The following GALNT17 variants were observed in gnomAD, a reference collection of about 807,000 sequenced individuals.
GALNT17 encodes polypeptide N-acetylgalactosaminyltransferase 17.
In GALNT17, 29 loss-of-function variants were observed where a neutral mutation model predicts 63.7. The ratio of observed to expected loss-of-function variants is 0.46; its 90% CI spans 0.34 to 0.62. The LOEUF (loss-of-function observed/expected upper bound fraction) is 0.62. Among genes scored for constraint, GALNT17 ranks in the 20% least tolerant of loss-of-function variants. The probability of loss-of-function intolerance (pLI) is 0.01; values close to 1 mark genes in which losing one functional copy is unlikely to be tolerated. For missense variants in GALNT17, 603 were observed against 799.6 expected (o/e 0.75, Z 2.97); for synonymous variants, 305 against 318.3 (o/e 0.96, Z 0.45).
In GALNT17 at chr7:71,701,858, CATATATATATACAT is replaced by C. The variant is rs1473278875; in HGVS notation, c.1501-8894_1501-8881del. On this transcript the variant is annotated intron_variant, in intron 9 of 10. Transcript: ENST00000333538. The stretch of plus-strand genomic sequence containing the variant: ...ATATATATGTGTATATATATATACA[CATATATATATACAT>C]ATATATATGTATATATATATATACA... Among the ~76,000 whole-genome samples, 42 of 21,636 alleles carry C rather than the reference CATATATATATACAT, an allele frequency of 1.9e-3. 1 individual carries two copies. Among genetic ancestry groups the C allele is most frequent in the East Asian group, 8.2e-3 (22 of 2,684 alleles). The allele number at this position is 21,636 out of a possible 152,430, so 14.2% of individuals were successfully genotyped here.
At chr7:71,633,558 T>G (rs1392918577) in intron 6 of GALNT17, among the ~76,000 whole-genome samples, 1 of 152,192 alleles carries the variant, frequency 6.6e-6, no homozygotes, top group East Asian at 1.9e-4. Context: ...TACCGGCTCA[T>G]TATTTATTTA....
At chr7:71,347,552 A>G (rs1380382148) in intron 2 of GALNT17, among the ~76,000 whole-genome samples, 1 of 152,182 alleles carries the variant, frequency 6.6e-6, no homozygotes, top group Admixed American at 6.5e-5. Context: ...GAAAATATCT[A>G]CTGAAAAGTG....
chr7:71,501,155 G>A (rs1788174240), intron 5 of GALNT17, among the ~76,000 whole-genome samples: 1 of 151,982 alleles, frequency 6.6e-6, no homozygotes, highest in South Asian at 2.1e-4. Flanking sequence ...TTTTAGTAGA[G>A]GCAGGGTTTT....
At chr7:71,666,390 C>T (rs1013878261) in intron 7 of GALNT17, among the ~76,000 whole-genome samples, 1 of 149,272 alleles carries the variant, frequency 6.7e-6, no homozygotes, top group Non-Finnish European at 1.5e-5. Context: ...TTTTTTATGG[C>T]AGCACAAAAT....
chr7:71,178,614 GT>G lies in GALNT17; in HGVS notation c.238+45577del, dbSNP rs1194585242. The stretch of plus-strand genomic sequence containing the variant: ...TCTTCACTGCTTTTCAGATTGGATG[GT>G]TTCTGTTGATCTGTCTTGAAGTTCC... On this transcript the variant is annotated intron_variant, in intron 1 of 10. Transcript: ENST00000333538. Among the ~76,000 whole-genome samples, 6 of 152,120 alleles carry G rather than the reference GT, an allele frequency of 3.9e-5. No homozygotes were observed. The East Asian group carries it at 1.2e-3, about 29-fold the overall frequency.
intron 6 of GALNT17, among the ~76,000 whole-genome samples, chr7:71,644,475 G>A (rs56385882): frequency 0.25 from 33,942 of 133,756 alleles, 4,334 homozygotes; most frequent in Non-Finnish European, 0.29. Flanking sequence ...GTTGCAGTGA[G>A]CCAAGATCTC....
At chr7:71,192,735 C>T (rs1422333384) in intron 1 of GALNT17, among the ~76,000 whole-genome samples, 2 of 152,134 alleles carry the variant, frequency 1.3e-5, no homozygotes, top group African/African-American at 4.8e-5. Flanking sequence ...TTTAGAAAAT[C>T]ATTGTAACAT....
intron 6 of GALNT17, among the ~76,000 whole-genome samples, chr7:71,659,295 G>A (rs1211128977): frequency 2.0e-5 from 3 of 152,126 alleles, no homozygotes; most frequent in African/African-American, 7.2e-5. Flanking sequence ...AAATTTAGTG[G>A]CCTAAATAAC....
intron 9 of GALNT17, among the ~76,000 whole-genome samples, chr7:71,687,208 T>C (rs897950045): frequency 6.6e-6 from 1 of 152,222 alleles, no homozygotes; most frequent in Non-Finnish European, 1.5e-5. Context: ...AGTTAATTCA[T>C]CACCAAAATG....
At chr7:71,435,343 T>A (rs1583950369) in intron 5 of GALNT17, among the ~76,000 whole-genome samples, 1 of 152,182 alleles carries the variant, frequency 6.6e-6, no homozygotes, top group Non-Finnish European at 1.5e-5. Context: ...ACTTAGTTTA[T>A]AGTTTAAAAC....
chr7:71,136,170 C>T (rs1384271095), intron 1 of GALNT17, among the ~76,000 whole-genome samples: 1 of 152,178 alleles, frequency 6.6e-6, no homozygotes, highest in Non-Finnish European at 1.5e-5. Context: ...CCGCCTGCTG[C>T]AGTGGGAGGC....
At chr7:71,491,378 C>G (rs895504577) in intron 5 of GALNT17, among the ~76,000 whole-genome samples, 1 of 152,034 alleles carries the variant, frequency 6.6e-6, no homozygotes. Context: ...GAAGCAGGCA[C>G]GACGCCTTCT....
intron 3 of GALNT17, among the ~76,000 whole-genome samples, chr7:71,399,959 A>C (rs922959736): frequency 6.6e-6 from 1 of 152,060 alleles, no homozygotes; most frequent in South Asian, 2.1e-4. Flanking sequence ...TGGAGTATTT[A>C]TCTTTGTCTT....
At chr7:71,329,690 T>G (rs1017428509) in intron 1 of GALNT17, among the ~76,000 whole-genome samples, 12 of 152,066 alleles carry the variant, frequency 7.9e-5, no homozygotes, top group South Asian at 4.2e-4. Flanking sequence ...TGCTACACAC[T>G]TTTAAACAAC....
At chr7:71,585,869 C>T (rs1303920945) in intron 6 of GALNT17, among the ~76,000 whole-genome samples, 1 of 151,790 alleles carries the variant, frequency 6.6e-6, no homozygotes, top group South Asian at 2.1e-4. Context: ...GTTCTTTCCT[C>T]CTCCCCACCC....
At chr7:71,246,839 A>AG (rs35193036) in intron 1 of GALNT17, among the ~76,000 whole-genome samples, 1 of 149,900 alleles carries the variant, frequency 6.7e-6, no homozygotes, top group African/African-American at 2.4e-5. Context: ...AAAAAAAAAA[A>AG]GAGATTATAA....
At chr7:71,251,167 C>T (rs1037247882) in intron 1 of GALNT17, among the ~76,000 whole-genome samples, 3 of 150,486 alleles carry the variant, frequency 2.0e-5, no homozygotes, top group Non-Finnish European at 4.4e-5. Context: ...TCCCTCCCCC[C>T]TCCCCCTTTT....
chr7:71,352,519 A>G (rs1477938079), intron 2 of GALNT17, among the ~76,000 whole-genome samples: 1 of 152,164 alleles, frequency 6.6e-6, no homozygotes, highest in Non-Finnish European at 1.5e-5. Context: ...GCTCTTTAAG[A>G]ATTCTACTTG....
At chr7:71,488,169 T>A (rs1356521603) in intron 5 of GALNT17, among the ~76,000 whole-genome samples, 9 of 123,540 alleles carry the variant, frequency 7.3e-5, no homozygotes, top group Non-Finnish European at 1.2e-4. Flanking sequence ...CCCTATCTCT[T>A]AAAAAAAAAA....
Sources: allele counts gnomAD v4.1 joint callset (sites outside exome capture counted in the v4.1 genomes callset), GRCh38; gene constraint gnomAD v4.1.1; transcripts MANE v1.5; gene names NCBI Gene and HGNC (gene_info 2026-07-23, HGNC 2026-07-21).